SLC8A1: variants seen among roughly 807,000 people sequenced by gnomAD.
The protein encoded by SLC8A1 is solute carrier family 8 member A1, also known as sodium/calcium exchanger 1.
In SLC8A1, 18 loss-of-function variants were observed where a neutral mutation model predicts 68.3. That is an observed-to-expected ratio of 0.26 (90% CI 0.18 to 0.39). SLC8A1 has a LOEUF of 0.39. SLC8A1 is among the 10% of genes least tolerant of loss of function. SLC8A1 has a pLI of 1.00. For missense variants in SLC8A1, 985 were observed against 1,156.7 expected (o/e 0.85, Z 2.15); for synonymous variants, 475 against 415.5 (o/e 1.14, Z -1.74).
At chr2:40,509,102 T>C (rs1246618050) in intron 1 of SLC8A1, among the ~76,000 whole-genome samples, 3 of 152,196 alleles carry the variant, frequency 2.0e-5, no homozygotes, top group Non-Finnish European at 4.4e-5. Context: ...TAAAACTACA[T>C]TGAAAATTCT....
In SLC8A1 at chr2:40,223,491, T is replaced by G. The variant is rs189809578; in HGVS notation, c.1809-45636A>C. 3 of 152,284 alleles carry G rather than the reference T, an allele frequency of 2.0e-5. No individual in the cohort carries two copies. The East Asian group carries it at 5.8e-4, about 29-fold the overall frequency. The allele number at this position is 152,284 out of a possible 1,614,324, so 9.4% of individuals were successfully genotyped here. ...GTAATGAACTTGCACTTTCTGCACA[T>G]GTATCCCAGAACTTAAAGTATATAT... On this transcript the variant is annotated intron_variant, in intron 2 of 7. Coordinates refer to ENST00000406785, the Ensembl canonical transcript of SLC8A1.
chr2:40,318,900 G>A (rs1392695736), intron 2 of SLC8A1, among the ~76,000 whole-genome samples: 4 of 152,054 alleles, frequency 2.6e-5, no homozygotes, highest in African/African-American at 9.7e-5. Context: ...CAATGTTTGA[G>A]GGTAAAATTG....
At chr2:40,341,134 C>T (rs1314132984) in intron 2 of SLC8A1, among the ~76,000 whole-genome samples, 2 of 152,162 alleles carry the variant, frequency 1.3e-5, no homozygotes, top group Admixed American at 6.5e-5. Context: ...TTGGTGTGTA[C>T]TAGCTTTGCT....
intron 2 of SLC8A1, among the ~76,000 whole-genome samples, chr2:40,328,933 C>A (rs2076126392): frequency 6.6e-6 from 1 of 152,072 alleles, no homozygotes; most frequent in South Asian, 2.1e-4. Flanking sequence ...CACTTGTCTG[C>A]CCAAGGACTT....
intron 1 of SLC8A1, among the ~76,000 whole-genome samples, chr2:40,433,604 C>A (rs925478070): frequency 2.6e-5 from 4 of 152,170 alleles, no homozygotes; most frequent in African/African-American, 9.7e-5. Context: ...AGTACCCTAA[C>A]AATAATCCTA....
intron 1 of SLC8A1, among the ~76,000 whole-genome samples, chr2:40,492,588 C>T (rs546718085): frequency 6.6e-6 from 1 of 150,724 alleles, no homozygotes; most frequent in South Asian, 2.1e-4. Context: ...TTTTCGCAAC[C>T]TACTCATCTG....
At chr2:40,313,100 TTCCCTC>T (rs1409206665) in intron 2 of SLC8A1, among the ~76,000 whole-genome samples, 37 of 152,130 alleles carry the variant, frequency 2.4e-4, no homozygotes, top group Admixed American at 7.9e-4. Context: ...TCTCTAGCTA[TTCCCTC>T]TCCAAGTAAT....
chr2:40,216,423 G>C (rs2057494761), intron 2 of SLC8A1, among the ~76,000 whole-genome samples: 1 of 152,068 alleles, frequency 6.6e-6, no homozygotes, highest in South Asian at 2.1e-4. Flanking sequence ...ATTTGTATTG[G>C]CTCCATGACT....
At chr2:40,337,461 A>G (rs78477811) in intron 2 of SLC8A1, 2,513 of 224,394 alleles carry the variant, frequency 0.011, 71 homozygotes, top group African/African-American at 0.052. Context: ...AAGTCAGGTA[A>G]AAAAAGGAAA....
intron 2 of SLC8A1, among the ~76,000 whole-genome samples, chr2:40,369,240 G>C (rs932329492): frequency 6.6e-6 from 1 of 152,088 alleles, no homozygotes; most frequent in Non-Finnish European, 1.5e-5. Flanking sequence ...TGTCAACAGA[G>C]TAAAGAGACA....
At chr2:40,192,801 T>C (rs2052140050) in intron 2 of SLC8A1, among the ~76,000 whole-genome samples, 1 of 152,138 alleles carries the variant, frequency 6.6e-6, no homozygotes, top group Non-Finnish European at 1.5e-5. Flanking sequence ...TAGATTTAAT[T>C]AAATTGCTTT....
At chr2:40,178,237 T>C (rs898530716) in intron 2 of SLC8A1, 150 bp downstream of exon 3, 1 of 684,010 alleles carries the variant, frequency 1.5e-6, no homozygotes, top group Admixed American at 2.3e-5. Flanking sequence ...GCTACAGGCC[T>C]GCCTACTGTG....
At chr2:40,131,888 A>G (rs2039444993) in intron 7 of SLC8A1, among the ~76,000 whole-genome samples, 1 of 89,060 alleles carries the variant, frequency 1.1e-5, no homozygotes, top group Admixed American at 1.4e-4. Flanking sequence ...TTTTTTTGCC[A>G]GCTGGGTCAG....
chr2:40,158,990 A>G (rs2045149657), intron 6 of SLC8A1, among the ~76,000 whole-genome samples: 1 of 152,104 alleles, frequency 6.6e-6, no homozygotes, highest in African/African-American at 2.4e-5. Context: ...GCCCTTTTCT[A>G]TTGCTATAGA....
rs1295248860 is a variant in SLC8A1 at position 40,128,043 on chromosome 2, C to T, written c.2437+11358G>A. Among the ~76,000 whole-genome samples the T allele has an allele frequency of 3.3e-5, 5 of 152,150 alleles. No individual in the cohort carries two copies. The East Asian group carries it at 9.6e-4, about 29-fold the overall frequency. ...GTAATACACAGCTTATGTTTCATTC[C>T]TGAGAAAAGGCAGGATGTGAGGTCT... is the stretch of plus-strand genomic sequence containing the variant. On this transcript the variant is annotated intron_variant, in intron 7 of 7. Coordinates refer to ENST00000406785, the Ensembl canonical transcript of SLC8A1.
chr2:40,304,324 A>G (rs1217360805), intron 2 of SLC8A1, among the ~76,000 whole-genome samples: 1 of 152,154 alleles, frequency 6.6e-6, no homozygotes, highest in African/African-American at 2.4e-5. Flanking sequence ...AGCAATTTTC[A>G]ATATCCAGAT....
At chr2:40,116,572 T>C (rs1016357698) in intron 7 of SLC8A1, among the ~76,000 whole-genome samples, 1 of 152,154 alleles carries the variant, frequency 6.6e-6, no homozygotes, top group African/African-American at 2.4e-5. Context: ...GTTTGGTTTT[T>C]TGTTCTTGCG....
chr2:40,495,265 G>T lies in SLC8A1; in HGVS notation c.-25+17084C>A, dbSNP rs72953177. Among the ~76,000 whole-genome samples, 1,173 of 151,946 alleles carry T rather than the reference G, an allele frequency of 7.7e-3. 19 individuals are homozygous for T. Among genetic ancestry groups the T allele is most frequent in the African/African-American group, 0.027 (1,117 of 41,456 alleles). The stretch of plus-strand genomic sequence containing the variant: ...TGTCAGGGGATACATTTAAATTCTG[G>T]CTATTTTGCTTATAATGTAGTAGGT... On this transcript the variant is annotated intron_variant, in intron 1 of 7. Transcript: ENST00000402441.
At chr2:40,160,949 G>A (rs534803664) in intron 5 of SLC8A1, 85 bp from the exon 9 acceptor site, 1 of 937,416 alleles carries the variant, frequency 1.1e-6, no homozygotes, top group South Asian at 1.4e-5. Context: ...TGAAACTCCA[G>A]AGTTATATAA....
Sources: allele counts gnomAD v4.1 joint callset (sites outside exome capture counted in the v4.1 genomes callset), GRCh38; gene constraint gnomAD v4.1.1; transcripts MANE v1.5; gene names NCBI Gene and HGNC (gene_info 2026-07-23, HGNC 2026-07-21).